STAM: variants seen among roughly 807,000 people sequenced by gnomAD.
The protein encoded by STAM is signal transducing adapter molecule 1.
STAM carries 16 observed loss-of-function variants against 63.4 expected under a neutral mutation model. The observed-to-expected ratio is 0.25, with a 90% CI of 0.17 to 0.38. The LOEUF is 0.38. Ranked by LOEUF, STAM falls within the 10% of genes least tolerant of loss-of-function variation. STAM has a pLI of 1.00. For missense variants in STAM, 636 were observed against 657.1 expected, an observed-to-expected ratio of 0.97 and a Z score of 0.35; for synonymous variants, 238 against 223.9, an observed-to-expected ratio of 1.06 and a Z score of -0.56.
chr10:17,701,460 G>T lies in STAM; in HGVS notation c.912+1181G>T, dbSNP rs191933153. 1.1e-4 allele frequency among the ~76,000 whole-genome samples: 16 copies of T among 152,282 alleles called. No individual in the cohort carries two copies. In the East Asian group the frequency reaches 3.1e-3, roughly 29 times the overall value. ...ACTCTTAGGCCAAATTTAGCCTGTTGCCTGTTTATTGGAACACAGATAAAT... is the reference window on the plus strand; with the variant it reads ...ACTCTTAGGCCAAATTTAGCCTGTTTCCTGTTTATTGGAACACAGATAAAT... On this transcript the variant is annotated intron_variant, in intron 9 of 13. Coordinates refer to ENST00000377524, the MANE Select transcript of STAM (RefSeq NM_003473.4).
intron 2 of STAM, among the ~76,000 whole-genome samples, chr10:17,671,836 A>T (rs1302536035): frequency 6.6e-6 from 1 of 152,156 alleles, no homozygotes; most frequent in Non-Finnish European, 1.5e-5. Flanking sequence ...GAGAGGGATA[A>T]TGAAGAGGTG....
chr10:17,704,439 G>A lies in STAM; in HGVS notation c.921G>A (p.Met307Ile), dbSNP rs2131681665. The stretch of plus-strand genomic sequence containing the variant: ...CTACTTAATTCCTGTAGGATAAAAT[G>A]GACCAGTTGCTACAGATGCTGCAAA... ...PEPAFIDEDKMDQLLQMLQST... is the reference protein window; with the variant it reads ...PEPAFIDEDKIDQLLQMLQST... The change falls in exon 10 of 14, where the codon ATG becomes ATA. Residue 307 changes from methionine to isoleucine, a missense_variant. Met to Ile is a conservative substitution (Grantham distance 10). Coordinates refer to ENST00000377524, the MANE Select transcript of STAM (RefSeq NM_003473.4). 1 of 1,613,752 alleles carries A rather than the reference G, an allele frequency of 6.2e-7. No homozygotes were observed. The highest frequency in any genetic ancestry group is 8.5e-7 in the Non-Finnish European group (1 of 1,179,774).
At chr10:17,645,406 C>T (rs539473588) in intron 1 of STAM, among the ~76,000 whole-genome samples, 1 of 152,286 alleles carries the variant, frequency 6.6e-6, no homozygotes, top group South Asian at 2.1e-4. Context: ...GAGCATGTCA[C>T]TGAAACTTGG....
intron 12 of STAM, among the ~76,000 whole-genome samples, chr10:17,707,385 G>A (rs181673722): frequency 1.3e-3 from 191 of 152,070 alleles, no homozygotes; most frequent in African/African-American, 4.4e-3. Context: ...ACTCCAGCCT[G>A]GGCGACAGAG....
rs1554822750 is a variant in STAM, at chr10:17,660,545, C to T, written c.122C>T (p.Thr41Ile). 6.3e-7 allele frequency: 1 copy of T among 1,596,244 alleles called. No homozygotes were observed. Among genetic ancestry groups the T allele is most frequent in the Non-Finnish European group, 8.5e-7 (1 of 1,170,856 alleles). ...TGTGATAAAGTTGGTCAGTCTCGCA[C>T]TGGGTAAGTATTTAGCGTTTCAAAG... Reference protein sequence around the residue: ...DICDKVGQSRTGPKDCLRSIM... With the variant: ...DICDKVGQSRIGPKDCLRSIM... The change falls in exon 2 of 14, where the codon ACT becomes ATT. Residue 41 changes from threonine (T) to isoleucine (I), a missense_variant. Thr to Ile is a moderately conservative substitution (Grantham distance 89). Around this residue, in one of 3 missense-constraint regions of STAM, gnomAD observed 87 missense variants for 80.3 expected, o/e 1.08. Coordinates refer to ENST00000377524, the MANE Select transcript of STAM (RefSeq NM_003473.4).
Position 17,693,281 on chromosome 10 carries a change from T to A in STAM, c.504T>A (p.Ala168=), listed in dbSNP as rs782670929. The stretch of plus-strand genomic sequence containing the variant: ...TAGCCAAGGATCCTGGTACTGTGGC[T>A]AACAAAAAAGAAGAAGAAGATTTAG... ...ALVAKDPGTV[A]NKKEEEDLAK... is the part of the protein sequence containing the mutation. The change falls in exon 6 of 14, where the codon GCT becomes GCA. Residue 168 remains alanine, a synonymous_variant. Coordinates refer to ENST00000377524, the MANE Select transcript of STAM (RefSeq NM_003473.4). 1.2e-6 allele frequency: 2 copies of A among 1,612,588 alleles called. No homozygotes were observed. Among genetic ancestry groups the A allele is most frequent in the Non-Finnish European group, 8.5e-7 (1 of 1,179,682 alleles).
Position 17,708,840 on chromosome 10 carries a change from T to A in STAM, c.1274T>A (p.Leu425His). 3 of 1,614,144 alleles carry A rather than the reference T, an allele frequency of 1.9e-6. No homozygotes were observed. The highest frequency in any genetic ancestry group is 1.7e-6 in the Non-Finnish European group (2 of 1,180,020). The change falls in exon 13 of 14, where the codon CTC (leucine) becomes CAC (histidine). Residue 425 changes from leucine to histidine, a missense_variant. Around this residue, in one of 3 missense-constraint regions of STAM, gnomAD observed 532 missense variants for 536.9 expected, o/e 0.99. Coordinates refer to ENST00000377524, the MANE Select transcript of STAM (RefSeq NM_003473.4). ...LVAGNAQMSH[L>H]QSYSLPPEQL... ...GCAGGGAACGCGCAGATGAGCCACC[T>A]CCAGAGCTACAGTCTTCCCCCGGAG...
At chr10:17,667,983 C>G (rs1834465369) in intron 2 of STAM, among the ~76,000 whole-genome samples, 1 of 152,118 alleles carries the variant, frequency 6.6e-6, no homozygotes. Context: ...AGGTAGGATC[C>G]TTTAAATTAA....
rs10673746 is a variant in STAM at position 17,666,387 on chromosome 10, A to ATTTTTTTTTTTTT, written c.125+5852_125+5864dup. Among the ~76,000 whole-genome samples, 107 of 85,914 alleles carry ATTTTTTTTTTTTT rather than the reference A, an allele frequency of 1.2e-3. 1 individual carries two copies. Among genetic ancestry groups the ATTTTTTTTTTTTT allele is most frequent in the African/African-American group, 5.1e-3 (102 of 19,976 alleles). The allele number at this position is 85,914 out of a possible 152,430, so 56.4% of individuals were successfully genotyped here. A position where few individuals can be genotyped will look rare whatever the true frequency, so the allele number is the denominator to read the frequency against. On this transcript the variant is annotated intron_variant, in intron 2 of 13. Transcript: ENST00000377524. ...TAAAAATGTTTTTCCTTGGCTTTGTATTTTTTTTTTTTTTTTTTTTTTTTT... is the reference window on the plus strand; with the variant it reads ...TAAAAATGTTTTTCCTTGGCTTTGTATTTTTTTTTTTTTTTTTTTTTTTTTTTTTTTTTTTTTT...
At chr10:17,644,466 C>A in intron 1 of STAM, 87 bp downstream of exon 1, 1 of 1,535,382 alleles carries the variant, frequency 6.5e-7, no homozygotes. Flanking sequence ...GACCCTCGGG[C>A]CAGGGCCAAG....
chr10:17,669,253 TTTTTCTC>T (rs150854827), intron 2 of STAM, among the ~76,000 whole-genome samples: 14 of 152,242 alleles, frequency 9.2e-5, no homozygotes, highest in Non-Finnish European at 1.9e-4. Context: ...TTTAAGTCTG[TTTTTCTC>T]TTTTGACCCG....
In STAM at chr10:17,644,250, T is replaced by G; in HGVS notation, c.-90T>G. 1 of 1,447,254 alleles carries G rather than the reference T, an allele frequency of 6.9e-7. No homozygotes were observed. Among genetic ancestry groups the G allele is most frequent in the Non-Finnish European group, 9.7e-7 (1 of 1,032,996 alleles). The allele number at this position is 1,447,254 out of a possible 1,614,324, so 89.7% of individuals were successfully genotyped here. ...TGTAGAGTCGGTCTCTGTTGCTCTT[T>G]TTGCCTGAGGAGTCTTCCATCCTAC... On this transcript the variant is annotated 5_prime_UTR_variant, in exon 1 of 14. Transcript: ENST00000377524.
chr10:17,656,678 G>C lies in STAM; in HGVS notation c.41-3786G>C, dbSNP rs375511802. ...GTTTGCTGATGTTTTTGTAATCGGT[G>C]GAAGGTATCTGAGTTACTGGCAGTG... On this transcript the variant is annotated intron_variant, in intron 1 of 13. Transcript: ENST00000377524. Among the ~76,000 whole-genome samples, 12 of 152,150 alleles carry C rather than the reference G, an allele frequency of 7.9e-5. No homozygotes were observed. In the East Asian group the frequency reaches 1.2e-3, roughly 15 times the overall value.
At chr10:17,701,405 T>C (rs574658649) in intron 9 of STAM, among the ~76,000 whole-genome samples, 1 of 152,358 alleles carries the variant, frequency 6.6e-6, no homozygotes, top group East Asian at 1.9e-4. Flanking sequence ...ATTTTTGAAG[T>C]GTCACATTGT....
intron 2 of STAM, among the ~76,000 whole-genome samples, chr10:17,680,603 C>A (rs777281170): frequency 6.6e-6 from 1 of 151,970 alleles, no homozygotes. Context: ...GACAGGGTCC[C>A]ACTATATTGC....
At chr10:17,671,782 G>A (rs973884240) in intron 2 of STAM, among the ~76,000 whole-genome samples, 1 of 151,976 alleles carries the variant, frequency 6.6e-6, no homozygotes, top group Non-Finnish European at 1.5e-5. Flanking sequence ...TTTTATATTT[G>A]CAATACTTTT....
At chr10:17,686,734 T>C (rs1835311043) in intron 4 of STAM, among the ~76,000 whole-genome samples, 1 of 152,324 alleles carries the variant, frequency 6.6e-6, no homozygotes. Flanking sequence ...TCATGTATAG[T>C]CTCAATAAAG....
At position 17,716,416 on chromosome 10, in the gene STAM, T is replaced by G. The variant is rs1226422095; in HGVS notation, c.*1636T>G. Among the ~76,000 whole-genome samples the G allele has an allele frequency of 6.6e-6, 1 of 152,082 alleles. No individual in the cohort carries two copies. Among genetic ancestry groups the G allele is most frequent in the Non-Finnish European group, 1.5e-5 (1 of 67,984 alleles). ...ATTACTTAAGGGTAACTTAAGTGTTTCGCTCAAGTGTTGTGTTCTGATTTC... is the reference window on the plus strand; with the variant it reads ...ATTACTTAAGGGTAACTTAAGTGTTGCGCTCAAGTGTTGTGTTCTGATTTC... On this transcript the variant is annotated 3_prime_UTR_variant, in exon 14 of 14. Transcript: ENST00000377524.
At chr10:17,661,848 G>GCCCT (rs1403212121) in intron 2 of STAM, among the ~76,000 whole-genome samples, 4 of 151,928 alleles carry the variant, frequency 2.6e-5, no homozygotes, top group African/African-American at 9.7e-5. Context: ...GCTTTTTTTG[G>GCCCT]CCCATAATGT....
Sources: allele counts gnomAD v4.1 joint callset (sites outside exome capture counted in the v4.1 genomes callset), GRCh38; gene constraint gnomAD v4.1.1; regional missense constraint gnomAD v4.1.1; transcripts MANE v1.5; gene names NCBI Gene and HGNC (gene_info 2026-07-23, HGNC 2026-07-21).